The following RGSL1 variants were observed in gnomAD, a reference collection of about 807,000 sequenced individuals.
RGSL1 encodes the protein regulator of G protein signaling protein-like.
In RGSL1, 97 loss-of-function variants were observed where a neutral mutation model predicts 124.7. The ratio of observed to expected loss-of-function variants is 0.78; its 90% CI spans 0.66 to 0.92. The LOEUF is 0.92. Ranked by LOEUF, RGSL1 falls within the 40% of genes least tolerant of loss-of-function variation. The pLI, the probability that RGSL1 is intolerant of heterozygous loss-of-function variation, is 0.00. For synonymous variants in RGSL1, 424 were observed against 438.1 expected, an observed-to-expected ratio of 0.97 and a Z score of 0.40; for missense variants, 1,233 against 1,288.4, an observed-to-expected ratio of 0.96 and a Z score of 0.66.
At chr1:182,549,550 C>T (rs1269283034) in intron 17 of RGSL1, 1 of 152,246 alleles carries the variant, frequency 6.6e-6, no homozygotes, top group Non-Finnish European at 1.5e-5. Flanking sequence ...AGAGTTCCAG[C>T]TCATATCTTC....
chr1:182,472,815 G>A (rs748541694), intron 5 of RGSL1, among the ~76,000 whole-genome samples: 7 of 152,244 alleles, frequency 4.6e-5, no homozygotes, highest in Non-Finnish European at 1.0e-4. Context: ...AATTGGGGCA[G>A]GATACTTGAA....
chr1:182,474,297 G>T lies in RGSL1; in HGVS notation c.1186G>T (p.Glu396Ter), dbSNP rs776431759. 14 of 1,551,606 alleles carry T rather than the reference G, an allele frequency of 9.0e-6. No individual in the cohort carries two copies. Among genetic ancestry groups the T allele is most frequent in the Non-Finnish European group, 1.1e-5 (13 of 1,146,992 alleles). ...CCTGAAGAAGCTGAATTTGAAAGTG[G>T]AGATCCAACTTCTTGACCTCTGGCA... ...DHLKKLNLKV[E>*]IQLLDLWQDL... Residue 396 changes from glutamate to a stop codon, truncating the protein, a stop_gained, in exon 6 of 22, where the codon GAG becomes TAG. Coordinates refer to ENST00000294854, the MANE Select transcript of RGSL1 (RefSeq NM_001137669.2). LOFTEE classifies it high-confidence loss of function.
At chr1:182,537,373 T>C (rs1659617170) in intron 14 of RGSL1, among the ~76,000 whole-genome samples, 1 of 152,220 alleles carries the variant, frequency 6.6e-6, no homozygotes, top group Admixed American at 6.5e-5. Flanking sequence ...CCCCAAAATG[T>C]CTCATTGTGT....
intron 8 of RGSL1, among the ~76,000 whole-genome samples, chr1:182,492,448 TG>T (rs1655598736): frequency 6.6e-6 from 1 of 152,176 alleles, no homozygotes; most frequent in South Asian, 2.1e-4. Flanking sequence ...AGTCATATCT[TG>T]GTTACCCTAG....
intron 1 of RGSL1, among the ~76,000 whole-genome samples, chr1:182,452,548 C>T (rs1203582078): frequency 6.6e-6 from 1 of 151,598 alleles, no homozygotes; most frequent in East Asian, 1.9e-4. Flanking sequence ...CACCTCCTGG[C>T]TTCAAGCGAT....
Position 182,551,413 on chromosome 1 carries a change from C to T in RGSL1, c.3043+204C>T, listed in dbSNP as rs947992706. 5.4e-4 allele frequency among the ~76,000 whole-genome samples: 82 copies of T among 152,282 alleles called. 1 individual carries two copies. The highest frequency in any genetic ancestry group is 9.0e-4 in the Non-Finnish European group (61 of 68,018). On this transcript the variant is annotated intron_variant, in intron 18 of 21. Transcript: ENST00000294854. ...CACTAGCAGTGCTAGCAGAGGGTAC[C>T]TCTCCCTAGCAATAACTCCAGGACG...
intron 2 of RGSL1, 36 bp from the exon 3 acceptor site, chr1:182,458,283 C>G: frequency 6.7e-7 from 1 of 1,494,056 alleles, no homozygotes; most frequent in South Asian, 1.2e-5. Context: ...AAGAGAAGCT[C>G]TACTCCCTTG....
chr1:182,458,286 C>T (rs186830499), intron 2 of RGSL1, 33 bp from the exon 3 acceptor site: 576 of 1,509,748 alleles, frequency 3.8e-4, no homozygotes, highest in Middle Eastern at 1.9e-3. Flanking sequence ...AGAAGCTCTA[C>T]TCCCTTGACT....
At chr1:182,469,099 C>G (rs1403014571) in intron 4 of RGSL1, among the ~76,000 whole-genome samples, 10 of 151,980 alleles carry the variant, frequency 6.6e-5, no homozygotes, top group Admixed American at 6.6e-4. Context: ...AAAATGTTCA[C>G]AACATTGGAT....
At chr1:182,450,225 A>G in intron 1 of RGSL1, 47 bp downstream of exon 1, 1 of 1,549,432 alleles carries the variant, frequency 6.5e-7, no homozygotes, top group Non-Finnish European at 8.7e-7. Context: ...TCTCTCAAAT[A>G]AGGCAAACCA....
intron 18 of RGSL1, among the ~76,000 whole-genome samples, chr1:182,551,438 G>A (rs542933596): frequency 1.3e-3 from 200 of 152,316 alleles, no homozygotes; most frequent in Non-Finnish European, 2.0e-3. Context: ...ACTCCAGGAC[G>A]CCTCTGTGCA....
intron 14 of RGSL1, among the ~76,000 whole-genome samples, chr1:182,539,474 A>G (rs79057221): frequency 6.6e-6 from 1 of 152,296 alleles, no homozygotes; most frequent in East Asian, 1.9e-4. Context: ...CACCTACACC[A>G]TAGGGAGCAC....
chr1:182,551,342 G>T, intron 18 of RGSL1, 133 bp downstream of exon 18: 2 of 690,420 alleles, frequency 2.9e-6, no homozygotes, highest in Non-Finnish European at 4.9e-6. Flanking sequence ...CATTTACTTG[G>T]CCCTCAGGGA....
chr1:182,493,483 T>A (rs577369645), intron 9 of RGSL1, among the ~76,000 whole-genome samples: 2 of 152,296 alleles, frequency 1.3e-5, no homozygotes, highest in East Asian at 3.9e-4. Context: ...AGGAGTGCTC[T>A]TGGGAATAAT....
At chr1:182,557,020 A>G (rs1660904838) in intron 21 of RGSL1, among the ~76,000 whole-genome samples, 1 of 152,208 alleles carries the variant, frequency 6.6e-6, no homozygotes, top group Admixed American at 6.5e-5. Flanking sequence ...CAGACTTTTC[A>G]CAAGGATGAA....
At chr1:182,465,335 C>A (rs576479535) in intron 4 of RGSL1, among the ~76,000 whole-genome samples, 2 of 151,958 alleles carry the variant, frequency 1.3e-5, no homozygotes, top group Admixed American at 1.3e-4. Context: ...AAGCTGGAAA[C>A]CATCATTCTC....
chr1:182,509,842 C>T (rs1336486204), intron 9 of RGSL1, among the ~76,000 whole-genome samples: 5 of 135,764 alleles, frequency 3.7e-5, no homozygotes, highest in East Asian at 4.6e-4. Flanking sequence ...CCCTCCCGGA[C>T]GGGGTGGCTG....
In RGSL1 at chr1:182,548,280, TCTC is replaced by T. The variant is rs1437978691; in HGVS notation, c.2670-31_2670-29del. 7.7e-6 allele frequency: 12 copies of T among 1,550,956 alleles called. No homozygotes were observed. The African/African-American group carries it at 1.2e-4, about 16-fold the overall frequency. On this transcript the variant is annotated intron_variant, in intron 15 of 21. Transcript: ENST00000294854. ...GCCTTGTTAGTCACTGTTTTCATCT[TCTC>T]CTCCTGATTTCCTACTTCACATTTC...
intron 6 of RGSL1, among the ~76,000 whole-genome samples, chr1:182,479,244 G>T (rs760167303): frequency 6.6e-6 from 1 of 152,160 alleles, no homozygotes; most frequent in Admixed American, 6.5e-5. Flanking sequence ...GAACACTAGT[G>T]TGTAAATTAA....
Sources: gnomAD v4.1 joint callset for allele counts (sites outside exome capture counted in the v4.1 genomes callset) on GRCh38, gnomAD v4.1.1 for gene constraint, MANE v1.5 for transcripts, NCBI Gene and HGNC (gene_info 2026-07-23, HGNC 2026-07-21) for gene names.